Variants in EFTUD2 observed in about 807,000 individuals in gnomAD.
The protein encoded by EFTUD2 is 116 kDa U5 small nuclear ribonucleoprotein component.
A neutral mutation model predicts 114.3 loss-of-function variants in EFTUD2; 9 were observed. That is an observed-to-expected ratio of 0.08 (90% CI 0.05 to 0.14). The LOEUF (loss-of-function observed/expected upper bound fraction) is 0.14, where lower values mean the gene tolerates loss of function less well. Among genes scored for constraint, EFTUD2 ranks in the 10% least tolerant of loss-of-function variants. EFTUD2 has a pLI of 1.00. For synonymous variants in EFTUD2, 449 were observed against 462.3 expected (o/e 0.97, Z 0.37); for missense variants, 765 against 1,241.2 (o/e 0.62, Z 5.76).
In EFTUD2 at chr17:44,854,876, C is replaced by T. The variant is rs2289672; in HGVS notation, c.2132+42G>A. ...AGACCCGGCAGTTAAACTGTGGCAT[C>T]CCTGCCTCCTTTCGACCCTGGCGTC... On this transcript the variant is annotated intron_variant, in intron 21 of 27. Transcript: ENST00000426333. The surrounding 1 kb of genome is among the most constrained non-coding windows in gnomAD (Gnocchi z 4.3). 196,861 of 1,596,452 alleles carry T rather than the reference C, an allele frequency of 0.12. 12,792 individuals carry two copies. The highest frequency in any genetic ancestry group is 0.22 in the African/African-American group (16,152 of 74,662).
chr17:44,852,255 G>T (rs1049341056), intron 26 of EFTUD2, among the ~76,000 whole-genome samples, 154 bp downstream of exon 26: 4 of 150,968 alleles, frequency 2.6e-5, no homozygotes, highest in Non-Finnish European at 5.9e-5. Context: ...GAGAGACACA[G>T]ATTCAAGTTG....
At chr17:44,875,190 C>T (rs1246191094) in intron 10 of EFTUD2, among the ~76,000 whole-genome samples, 1 of 151,626 alleles carries the variant, frequency 6.6e-6, no homozygotes, top group African/African-American at 2.4e-5. Context: ...TAGCAAGACT[C>T]CATCTCTACA....
At chr17:44,857,272 G>A (rs1326142958) in intron 19 of EFTUD2, 115 bp from the exon 20 acceptor site, 6 of 783,592 alleles carry the variant, frequency 7.7e-6, no homozygotes, top group South Asian at 5.9e-5. Context: ...AACCCCAACT[G>A]CCTTAATCAG....
chr17:44,880,780 C>A, intron 7 of EFTUD2, 136 bp from the exon 8 acceptor site: 1 of 607,878 alleles, frequency 1.6e-6, no homozygotes, highest in Non-Finnish European at 2.9e-6. Context: ...GGCCTCTAGC[C>A]AGCATGACCT....
chr17:44,880,481 G>C (rs2051053327), intron 8 of EFTUD2, 73 bp downstream of exon 8: 3 of 1,163,650 alleles, frequency 2.6e-6, no homozygotes, highest in Admixed American at 1.7e-5. Flanking sequence ...GCTCCGTTCT[G>C]CTCCGAAAAG....
In EFTUD2 at chr17:44,863,539, TG is replaced by T. The variant is rs2050694014; in HGVS notation, c.1413+115del. Reference sequence around the variant, plus strand: ...TTGCATTCAGGCCTGACTGTGCTCATGGGGATGGGGAGGCAAGGGTGGGAAA... The same window carrying T: ...TTGCATTCAGGCCTGACTGTGCTCATGGGATGGGGAGGCAAGGGTGGGAAA... On this transcript the variant is annotated intron_variant, in intron 15 of 27. Transcript: ENST00000426333. 3.5e-6 allele frequency: 5 copies of T among 1,437,400 alleles called. No individual in the cohort carries two copies. In the East Asian group the frequency reaches 1.2e-4, roughly 34 times the overall value. The allele number at this position is 1,437,400 out of a possible 1,614,324, so 89.0% of individuals were successfully genotyped here. A position where few individuals can be genotyped will look rare whatever the true frequency, so the allele number is the denominator to read the frequency against.
Position 44,879,623 on chromosome 17 carries a change from G to A in EFTUD2, c.635C>T (p.Ser212Phe), listed in dbSNP as rs1403870185. The A allele has an allele frequency of 6.2e-7, 1 of 1,613,928 alleles. No homozygotes were observed. The highest frequency in any genetic ancestry group is 2.2e-5 in the East Asian group (1 of 44,872). Residue 212 changes from serine (S) to phenylalanine (F), a missense_variant, in exon 9 of 28, where the codon TCT (serine) becomes TTT (phenylalanine). By Grantham distance (155) the Ser-to-Phe change is radical. Around this residue, in one of 6 missense-constraint regions of EFTUD2, gnomAD observed 251 missense variants for 357.7 expected, o/e 0.70. Transcript: ENST00000426333. Reference protein sequence around the residue: ...IMDTPGHVNFSDEVTAGLRIS... With the variant: ...IMDTPGHVNFFDEVTAGLRIS... Reference sequence around the variant, plus strand: ...GCGCAAGCCAGCTGTGACCTCATCAGAGAAATTCACATGTCCTGAAAAGCA... The same window carrying A: ...GCGCAAGCCAGCTGTGACCTCATCAAAGAAATTCACATGTCCTGAAAAGCA...
At position 44,881,990 on chromosome 17, in the gene EFTUD2, G is replaced by A. The variant is rs72828807; in HGVS notation, c.493-268C>T. On this transcript the variant is annotated intron_variant, in intron 6 of 27. Transcript: ENST00000426333. The stretch of plus-strand genomic sequence containing the variant: ...CTTGTAGCCCAGGCTGGAGTGCAAT[G>A]GCGCGATCTCAGCTTACTGCAACCT... 0.24 allele frequency: 104,545 copies of A among 437,722 alleles called. 14,240 individuals are homozygous for A. The highest frequency in any genetic ancestry group is 0.39 in the Middle Eastern group (593 of 1,504). The allele number at this position is 437,722 out of a possible 1,614,324, so 27.1% of individuals were successfully genotyped here.
Position 44,880,414 on chromosome 17 carries a change from G to GTTTGTT in EFTUD2, c.619+139_619+140insAACAAA, listed in dbSNP as rs1597816249. 6 of 590,068 alleles carry GTTTGTT rather than the reference G, an allele frequency of 1.0e-5. No homozygotes were observed. In the East Asian group the frequency reaches 1.8e-4, roughly 17 times the overall value. 36.6% of individuals were successfully genotyped at this position (590,068 alleles called of 1,614,324 possible). ...TAACAAGTCAGAAACAAAGGAGAGA[G>GTTTGTT]TCAAAATGGAAAATGGTTTCAATGA... On this transcript the variant is annotated intron_variant, in intron 8 of 27. Transcript: ENST00000426333.
intron 13 of EFTUD2, among the ~76,000 whole-genome samples, chr17:44,866,627 C>T (rs1020798953): frequency 2.0e-5 from 3 of 152,124 alleles, no homozygotes; most frequent in Non-Finnish European, 2.9e-5. Context: ...GATCCTCCCG[C>T]CTTGGCCTCC....
intron 2 of EFTUD2, among the ~76,000 whole-genome samples, chr17:44,889,722 C>A (rs1360349836): frequency 6.6e-6 from 1 of 152,142 alleles, no homozygotes; most frequent in South Asian, 2.1e-4. Context: ...GTGGTGAGAC[C>A]GGCTACCTCC....
intron 9 of EFTUD2, among the ~76,000 whole-genome samples, chr17:44,876,854 T>TAAA (rs2050962560): frequency 1.8e-4 from 2 of 11,176 alleles, no homozygotes; most frequent in South Asian, 3.2e-3. Context: ...AGACTCCGTC[T>TAAA]CAAAAAAAAA....
Position 44,886,569 on chromosome 17 carries a change from T to C in EFTUD2, c.271+16A>G, listed in dbSNP as rs767936451. ...TTTCAATTTCACTCCGCACAGCCCA[T>C]GTCCTCCTGATGTACCTGTGAGAGG... On this transcript the variant is annotated intron_variant, in intron 3 of 27. Transcript: ENST00000426333. 42 of 1,613,974 alleles carry C rather than the reference T, an allele frequency of 2.6e-5. No homozygotes were observed. Among genetic ancestry groups the C allele is most frequent in the Non-Finnish European group, 3.3e-5 (39 of 1,179,970 alleles).
chr17:44,851,456 G>A, intron 27 of EFTUD2, 87 bp from the exon 28 acceptor site: 1 of 1,112,530 alleles, frequency 9.0e-7, no homozygotes, highest in South Asian at 1.2e-5. Context: ...TCAGTGGGGA[G>A]GCTAGTGGTG....
At chr17:44,871,682 C>T (rs2050858191) in intron 11 of EFTUD2, among the ~76,000 whole-genome samples, 1 of 151,850 alleles carries the variant, frequency 6.6e-6, no homozygotes, top group Admixed American at 6.6e-5. Flanking sequence ...TTCACAAGAG[C>T]AAAGGGCTCC....
At chr17:44,865,864 T>G (rs2050738155) in intron 13 of EFTUD2, among the ~76,000 whole-genome samples, 1 of 151,992 alleles carries the variant, frequency 6.6e-6, no homozygotes, top group South Asian at 2.1e-4. Context: ...CAGCCTGGAG[T>G]GCAGTGGTGT....
chr17:44,888,091 C>T (rs994301064), intron 2 of EFTUD2, among the ~76,000 whole-genome samples: 6 of 152,118 alleles, frequency 3.9e-5, no homozygotes, highest in African/African-American at 9.7e-5. Flanking sequence ...GCATTCTAGT[C>T]GGCTGGTGAA....
At chr17:44,889,590 A>G (rs1445588146) in intron 2 of EFTUD2, among the ~76,000 whole-genome samples, 1 of 152,202 alleles carries the variant, frequency 6.6e-6, no homozygotes, top group Non-Finnish European at 1.5e-5. Context: ...TAAGAACGGA[A>G]GGGAAGGCAT....
intron 2 of EFTUD2, 71 bp downstream of exon 2, chr17:44,894,346 G>A: frequency 7.6e-7 from 1 of 1,321,878 alleles, no homozygotes; most frequent in Non-Finnish European, 1.1e-6. Context: ...CTCCAACCTG[G>A]CAAGAGAGTG....
Sources: gnomAD v4.1 joint callset for allele counts (sites outside exome capture counted in the v4.1 genomes callset) on GRCh38, gnomAD v4.1.1 for gene constraint, gnomAD v4.1.1 regional missense constraint, Gnocchi (gnomAD v3.1) non-coding constraint, MANE v1.5 for transcripts, NCBI Gene and HGNC (gene_info 2026-07-23, HGNC 2026-07-21) for gene names.